CTNNA3: variants seen among roughly 807,000 people sequenced by gnomAD.
The protein encoded by CTNNA3 is catenin alpha 3, also known as catenin alpha-3.
CTNNA3 carries 76 observed loss-of-function variants against 95.7 expected under a neutral mutation model. The ratio of observed to expected loss-of-function variants is 0.79; its 90% confidence interval spans 0.66 to 0.96. The LOEUF (loss-of-function observed/expected upper bound fraction) is 0.96, where lower values mean the gene tolerates loss of function less well. CTNNA3 is among the 40% of genes least tolerant of loss of function. The probability of loss-of-function intolerance (pLI) is 0.00; values close to 1 mark genes in which losing one functional copy is unlikely to be tolerated. For missense variants in CTNNA3, 1,191 were observed against 1,089.8 expected (o/e 1.09, Z -1.31); for synonymous variants, 431 against 374.4 (o/e 1.15, Z -1.74).
chr10:65,990,145 T>C (rs1042194056), intron 15 of CTNNA3, among the ~76,000 whole-genome samples: 6 of 151,688 alleles, frequency 4.0e-5, no homozygotes, highest in Non-Finnish European at 5.9e-5. Flanking sequence ...AACACTTAGG[T>C]TGATTTCACA....
intron 13 of CTNNA3, among the ~76,000 whole-genome samples, chr10:66,142,831 G>C (rs1006926889): frequency 3.3e-5 from 5 of 152,004 alleles, no homozygotes; most frequent in Admixed American, 2.0e-4. Flanking sequence ...TAGGAAAAGA[G>C]CAGAGTATAA....
intron 7 of CTNNA3, among the ~76,000 whole-genome samples, chr10:66,913,091 T>C (rs1028217357): frequency 6.6e-6 from 1 of 150,722 alleles, no homozygotes; most frequent in African/African-American, 2.4e-5. Flanking sequence ...TACAAAAAAT[T>C]AGCCGGGCGC....
intron 15 of CTNNA3, among the ~76,000 whole-genome samples, chr10:66,052,243 T>C (rs944676608): frequency 2.0e-5 from 3 of 152,154 alleles, no homozygotes; most frequent in Non-Finnish European, 4.4e-5. Flanking sequence ...TTGCACCCAA[T>C]TGACCAGTGA....
At chr10:67,657,847 C>CAA (rs200763142) in intron 1 of CTNNA3, among the ~76,000 whole-genome samples, 1,073 of 38,570 alleles carry the variant, frequency 0.028, 45 homozygotes, top group African/African-American at 0.083. Flanking sequence ...AATTCCATCT[C>CAA]AAAAAAAAAA....
intron 3 of CTNNA3, among the ~76,000 whole-genome samples, chr10:67,563,965 A>C (rs1323955476): frequency 3.4e-5 from 5 of 149,094 alleles, no homozygotes; most frequent in Admixed American, 6.7e-5. Flanking sequence ...ACCAGTTAGA[A>C]TGGCGATCAT....
At chr10:66,201,820 C>T (rs1490360310) in intron 13 of CTNNA3, among the ~76,000 whole-genome samples, 12 of 96,660 alleles carry the variant, frequency 1.2e-4, no homozygotes, top group Non-Finnish European at 2.1e-4. Flanking sequence ...TAGAGTTTCA[C>T]TCTTGTTGCC....
rs573991840 is a variant in CTNNA3, at chr10:66,668,178, T to C, written c.1282-46394A>G. ...TTCTTTCCAACACTCAATTTACTAATTTATCACTAAGAAATAGCGTTTTTG... is the reference window on the plus strand; with the variant it reads ...TTCTTTCCAACACTCAATTTACTAACTTATCACTAAGAAATAGCGTTTTTG... On this transcript the variant is annotated intron_variant, in intron 9 of 17. Transcript: ENST00000433211. 3.9e-5 allele frequency among the ~76,000 whole-genome samples: 6 copies of C among 152,222 alleles called. No homozygotes were observed. The South Asian group carries it at 1.2e-3, about 32-fold the overall frequency.
intron 13 of CTNNA3, among the ~76,000 whole-genome samples, chr10:66,159,938 C>T (rs1360878027): frequency 1.3e-5 from 2 of 152,048 alleles, no homozygotes; most frequent in Middle Eastern, 3.4e-3. Flanking sequence ...ATATTCATCT[C>T]TTCTAAGTTT....
intron 5 of CTNNA3, among the ~76,000 whole-genome samples, chr10:67,465,234 T>C (rs1185558550): frequency 1.3e-5 from 2 of 152,128 alleles, no homozygotes; most frequent in East Asian, 3.9e-4. Flanking sequence ...AGAATTTTAT[T>C]TTTTTAAAGT....
chr10:65,936,754 G>A (rs114672400), intron 17 of CTNNA3, among the ~76,000 whole-genome samples: 2,035 of 152,068 alleles, frequency 0.013, 51 homozygotes, highest in African/African-American at 0.045. Flanking sequence ...AAGTGACCAT[G>A]GATGATTTAT....
chr10:66,661,850 G>A (rs4503416), intron 9 of CTNNA3, among the ~76,000 whole-genome samples: 99,566 of 151,922 alleles, frequency 0.66, 33,455 homozygotes, highest in East Asian at 0.95. Context: ...AGAGATTTAA[G>A]TGCCTCAACA....
At chr10:66,471,488 A>G (rs938731663) in intron 11 of CTNNA3, among the ~76,000 whole-genome samples, 3 of 151,550 alleles carry the variant, frequency 2.0e-5, no homozygotes, top group African/African-American at 7.3e-5. Context: ...TTCTAAGCTA[A>G]TTTTCCATTA....
intron 13 of CTNNA3, among the ~76,000 whole-genome samples, chr10:66,234,622 CTTAAA>C (rs1329649798): frequency 6.6e-6 from 1 of 152,058 alleles, no homozygotes; most frequent in African/African-American, 2.4e-5. Context: ...GTAGGAAATC[CTTAAA>C]TGGTGACCTA....
chr10:66,047,616 A>C (rs773955221), intron 15 of CTNNA3, among the ~76,000 whole-genome samples: 18 of 152,154 alleles, frequency 1.2e-4, no homozygotes, highest in Non-Finnish European at 1.8e-4. Context: ...AATAGTATTG[A>C]AAGTCATACC....
intron 1 of CTNNA3, among the ~76,000 whole-genome samples, chr10:67,714,836 T>C (rs555877130): frequency 3.9e-5 from 6 of 152,228 alleles, no homozygotes; most frequent in Non-Finnish European, 5.9e-5. Flanking sequence ...ATAAGTCTCA[T>C]GAGATATGAT....
chr10:67,672,887 T>A (rs1433805150), intron 1 of CTNNA3, among the ~76,000 whole-genome samples: 1 of 152,178 alleles, frequency 6.6e-6, no homozygotes, highest in Non-Finnish European at 1.5e-5. Flanking sequence ...TTTTTCCCAA[T>A]TCTGTGAAGA....
intron 10 of CTNNA3, among the ~76,000 whole-genome samples, chr10:66,607,854 C>A (rs1032879251): frequency 3.9e-5 from 6 of 152,090 alleles, no homozygotes; most frequent in Admixed American, 3.9e-4. Flanking sequence ...ACTGAATGGG[C>A]AAAAGCTGGA....
At chr10:67,480,514 G>A (rs1199151759) in intron 5 of CTNNA3, among the ~76,000 whole-genome samples, 1 of 152,174 alleles carries the variant, frequency 6.6e-6, no homozygotes. Flanking sequence ...TGAGGACAAG[G>A]AACACCTGGC....
chr10:65,982,492 C>T (rs537498109), intron 16 of CTNNA3, among the ~76,000 whole-genome samples: 2 of 150,812 alleles, frequency 1.3e-5, no homozygotes, highest in East Asian at 3.9e-4. Flanking sequence ...TCTAGTAACC[C>T]CACTACTAGA....
Sources: allele counts gnomAD v4.1 joint callset (sites outside exome capture counted in the v4.1 genomes callset), GRCh38; gene constraint gnomAD v4.1.1; transcripts MANE v1.5; gene names NCBI Gene and HGNC (gene_info 2026-07-23, HGNC 2026-07-21).